NEK11: variants seen among roughly 807,000 people sequenced by gnomAD.
NEK11 encodes serine/threonine-protein kinase Nek11.
A neutral mutation model predicts 80.7 loss-of-function variants in NEK11; 72 were observed. The observed-to-expected ratio is 0.89, with a 90% CI of 0.74 to 1.08. The LOEUF (loss-of-function observed/expected upper bound fraction) is 1.08. Ranked by LOEUF, NEK11 falls within the 50% of genes least tolerant of loss-of-function variation. The probability of loss-of-function intolerance (pLI) is 0.00; values close to 1 mark genes in which losing one functional copy is unlikely to be tolerated. For missense variants in NEK11, 764 were observed against 763.6 expected, an observed-to-expected ratio of 1.00 and a Z score of -0.01; for synonymous variants, 251 against 260.7, an observed-to-expected ratio of 0.96 and a Z score of 0.36.
At chr3:131,069,984 A>T (rs2148908012) in intron 3 of NEK11, among the ~76,000 whole-genome samples, 1 of 152,370 alleles carries the variant, frequency 6.6e-6, no homozygotes, top group South Asian at 2.1e-4. Flanking sequence ...TAATAAAAAA[A>T]AAATACAAAC....
intron 3 of NEK11, among the ~76,000 whole-genome samples, chr3:131,079,345 T>C (rs2074874562): frequency 6.6e-6 from 1 of 152,206 alleles, no homozygotes; most frequent in South Asian, 2.1e-4. Flanking sequence ...ATGGTTAATC[T>C]ATGCATTGGT....
chr3:131,273,397 G>C, intron 16 of NEK11, 81 bp from the exon 17 acceptor site: 1 of 1,046,250 alleles, frequency 9.6e-7, no homozygotes, highest in Admixed American at 1.8e-5. Context: ...ATTAGCTTCT[G>C]TTTTCTGATT....
At chr3:131,177,698 T>A (rs1046775485) in intron 14 of NEK11, among the ~76,000 whole-genome samples, 1 of 152,214 alleles carries the variant, frequency 6.6e-6, no homozygotes, top group Non-Finnish European at 1.5e-5. Flanking sequence ...TGCCCTAGCG[T>A]AGGTTGAAAA....
intron 14 of NEK11, among the ~76,000 whole-genome samples, chr3:131,172,770 G>A (rs1281028614): frequency 1.3e-5 from 2 of 152,130 alleles, no homozygotes; most frequent in Non-Finnish European, 2.9e-5. Flanking sequence ...GGAGGTTAAG[G>A]CATTCTTTGT....
At chr3:131,121,965 T>G (rs1204888930) in intron 5 of NEK11, among the ~76,000 whole-genome samples, 1 of 152,194 alleles carries the variant, frequency 6.6e-6, no homozygotes, top group African/African-American at 2.4e-5. Context: ...CTGCTTCAGC[T>G]CACGCTCTGT....
At chr3:131,027,576 G>A (rs1209743242) in intron 1 of NEK11, 1 of 152,122 alleles carries the variant, frequency 6.6e-6, no homozygotes, top group Non-Finnish European at 1.5e-5. Flanking sequence ...AGGGATTGGG[G>A]ATGCAGAAAT....
chr3:131,109,186 C>T (rs1302747879), intron 4 of NEK11, among the ~76,000 whole-genome samples: 1 of 152,040 alleles, frequency 6.6e-6, no homozygotes, highest in Non-Finnish European at 1.5e-5. Flanking sequence ...GCATTTAAAA[C>T]AGATTTTATG....
rs140758348 is a variant in NEK11 at position 131,267,829 on chromosome 3, G to A, written c.1622-5649G>A. Among the ~76,000 whole-genome samples the A allele has an allele frequency of 9.5e-3, 1,447 of 152,250 alleles. 31 individuals are homozygous for A. The highest frequency in any genetic ancestry group is 0.033 in the African/African-American group (1,361 of 41,548). ...TTTGAAAGTTGGCCTCTCTTGCTAG[G>A]TTGGGGAAGTTCTCCTGGATAATAT... On this transcript the variant is annotated intron_variant, in intron 16 of 17. Transcript: ENST00000383366.
Position 131,136,047 on chromosome 3 carries a change from T to A in NEK11, c.647+2091T>A, listed in dbSNP as rs189993634. 1.3e-3 allele frequency among the ~76,000 whole-genome samples: 197 copies of A among 151,998 alleles called. 2 individuals are homozygous for A. The highest frequency in any genetic ancestry group is 2.4e-3 in the Non-Finnish European group (161 of 67,936). On this transcript the variant is annotated intron_variant, in intron 7 of 17. Coordinates refer to ENST00000383366, the MANE Select transcript of NEK11 (RefSeq NM_024800.5). ...TTGCTATACTTTAGGATTACAAAAC[T>A]GTCTGACTCAAGAAAAAAAAAACAG...
rs148135344 is a variant in NEK11, at chr3:131,070,796, A to G, written c.171-9627A>G. Among the ~76,000 whole-genome samples the G allele has an allele frequency of 9.3e-3, 1,414 of 152,298 alleles. 20 individuals carry two copies. Among genetic ancestry groups the G allele is most frequent in the African/African-American group, 0.031 (1,300 of 41,570 alleles). ...CCATTAAATCTGGAGACAAAAGTCTATTCTTCAGAATTGATGGTCTGTTTC... is the reference window on the plus strand; with the variant it reads ...CCATTAAATCTGGAGACAAAAGTCTGTTCTTCAGAATTGATGGTCTGTTTC... On this transcript the variant is annotated intron_variant, in intron 3 of 17. Transcript: ENST00000383366.
At chr3:131,099,006 A>G (rs1192645918) in intron 4 of NEK11, among the ~76,000 whole-genome samples, 1 of 151,878 alleles carries the variant, frequency 6.6e-6, no homozygotes, top group East Asian at 1.9e-4. Context: ...GTTTTGTTTT[A>G]GTTGCAACTG....
At chr3:131,127,299 C>T (rs1455314070) in intron 5 of NEK11, among the ~76,000 whole-genome samples, 2 of 151,824 alleles carry the variant, frequency 1.3e-5, no homozygotes, top group African/African-American at 4.8e-5. Flanking sequence ...TCTTTTTGCA[C>T]CTCAGTTGAA....
At chr3:131,257,892 T>C (rs2095845021) in intron 16 of NEK11, among the ~76,000 whole-genome samples, 1 of 152,024 alleles carries the variant, frequency 6.6e-6, no homozygotes, top group African/African-American at 2.4e-5. Context: ...ATAGCAGCGA[T>C]TGCAAAAATA....
chr3:131,169,585 C>T (rs1560766193), intron 13 of NEK11, among the ~76,000 whole-genome samples: 1 of 152,136 alleles, frequency 6.6e-6, no homozygotes, highest in Non-Finnish European at 1.5e-5. Context: ...TACCATAATA[C>T]ATAAGACAGG....
At chr3:131,137,579 G>T (rs978691251) in intron 7 of NEK11, among the ~76,000 whole-genome samples, 3 of 152,134 alleles carry the variant, frequency 2.0e-5, no homozygotes, top group African/African-American at 7.2e-5. Flanking sequence ...AATAAGCACT[G>T]GTGTCAGTAT....
chr3:131,245,301 T>TTGTGTGTGTG (rs4044352), intron 16 of NEK11, among the ~76,000 whole-genome samples: 33 of 140,802 alleles, frequency 2.3e-4, no homozygotes, highest in African/African-American at 9.1e-4. Context: ...TAGTATTCCA[T>TTGTGTGTGTG]TGTGTGTGTG....
intron 15 of NEK11, among the ~76,000 whole-genome samples, chr3:131,234,327 CTG>C (rs1352637222): frequency 6.6e-6 from 1 of 152,106 alleles, no homozygotes; most frequent in African/African-American, 2.4e-5. Context: ...ACTTATTTGC[CTG>C]TTATTTTTAC....
chr3:131,217,262 C>G (rs958490273), intron 14 of NEK11, among the ~76,000 whole-genome samples: 6 of 152,096 alleles, frequency 3.9e-5, no homozygotes, highest in African/African-American at 9.7e-5. Flanking sequence ...TCCCAAACAG[C>G]AAAGTATCAG....
At chr3:131,202,700 G>C (rs977360245) in intron 14 of NEK11, among the ~76,000 whole-genome samples, 5 of 152,080 alleles carry the variant, frequency 3.3e-5, no homozygotes, top group African/African-American at 1.2e-4. Flanking sequence ...CTAATATCCA[G>C]AATCTACAAA....
Sources: gnomAD v4.1 joint callset for allele counts (sites outside exome capture counted in the v4.1 genomes callset) on GRCh38, gnomAD v4.1.1 for gene constraint, MANE v1.5 for transcripts, NCBI Gene and HGNC (gene_info 2026-07-23, HGNC 2026-07-21) for gene names.